The following GSDME variants were observed in gnomAD, a reference collection of about 807,000 sequenced individuals.
GSDME encodes the protein gasdermin E.
GSDME carries 44 observed loss-of-function variants against 47.5 expected under a neutral mutation model. That is an observed-to-expected ratio of 0.93 (90% CI 0.73 to 1.19). The LOEUF (loss-of-function observed/expected upper bound fraction) is 1.19. GSDME is among the 50% of genes most tolerant of loss of function. The pLI is 0.00. For synonymous variants in GSDME, 258 were observed against 252.8 expected, an observed-to-expected ratio of 1.02 and a Z score of -0.20; for missense variants, 663 against 604.2, an observed-to-expected ratio of 1.10 and a Z score of -1.02.
chr7:24,710,841 AAT>A (rs1201543068), intron 5 of GSDME, among the ~76,000 whole-genome samples: 1 of 152,210 alleles, frequency 6.6e-6, no homozygotes, highest in African/African-American at 2.4e-5. Flanking sequence ...ATGTTTCTAT[AAT>A]ATATAGAATA....
In GSDME at chr7:24,744,227, G is replaced by A. The variant is rs919306437; in HGVS notation, c.404+335C>T. 11 of 282,166 alleles carry A rather than the reference G, an allele frequency of 3.9e-5. No individual in the cohort carries two copies. The highest frequency in any genetic ancestry group is 7.4e-5 in the Non-Finnish European group (11 of 147,878). 17.5% of individuals were successfully genotyped at this position (282,166 alleles called of 1,614,324 possible). Reference sequence around the variant, plus strand: ...AATTATAGAGCCAGAGGGGGGTCATGACTTCCTGGCTTCTAAAGTTAATAT... The same window carrying A: ...AATTATAGAGCCAGAGGGGGGTCATAACTTCCTGGCTTCTAAAGTTAATAT... On this transcript the variant is annotated intron_variant, in intron 3 of 9. Coordinates refer to ENST00000645220, the MANE Select transcript of GSDME (RefSeq NM_001127453.2). This position sits in a 1 kb window ranked among gnomAD's most constrained non-coding sequence, Gnocchi z 4.5.
chr7:24,710,233 A>T lies in GSDME; in HGVS notation c.853T>A (p.Leu285Ile), dbSNP rs1358680470. Residue 285 changes from leucine to isoleucine, a missense_variant, in exon 6 of 10, where the codon TTA (leucine) becomes ATA (isoleucine). Physicochemically the swap from Leu to Ile is conservative, Grantham distance 5. Coordinates refer to ENST00000645220, the MANE Select transcript of GSDME (RefSeq NM_001127453.2). ...ISSQDGPLSV[L>I]KQATLLLERN... ...GCCCTGCTGGCAATACCTTGCTTTA[A>T]AACACTTAATGGTCCATCCTGGGAA... The T allele has an allele frequency of 6.2e-7, 1 of 1,613,922 alleles. No homozygotes were observed.
chr7:24,752,992 G>GTT lies in GSDME; in HGVS notation c.-19-3201_-19-3200dup, dbSNP rs199851230. Among the ~76,000 whole-genome samples, 547 of 147,858 alleles carry GTT rather than the reference G, an allele frequency of 3.7e-3. 1 individual carries two copies. The highest frequency in any genetic ancestry group is 7.1e-3 in the Middle Eastern group (2 of 280). The stretch of plus-strand genomic sequence containing the variant: ...GGAAATTCCTAAATTAATTTTTCAT[G>GTT]TTTTTTTTTTTTCCATCTAACATCA... On this transcript the variant is annotated intron_variant, in intron 1 of 9. Coordinates refer to ENST00000645220, the MANE Select transcript of GSDME (RefSeq NM_001127453.2).
chr7:24,713,060 G>A (rs1217505056), intron 5 of GSDME, among the ~76,000 whole-genome samples: 1 of 151,212 alleles, frequency 6.6e-6, no homozygotes, highest in Admixed American at 6.6e-5. Flanking sequence ...TTACCGAATA[G>A]CAGTTTTACA....
chr7:24,744,984 CGTGTGTGTGTGTGTGTGTGT>C lies in GSDME; in HGVS notation c.212-250_212-231del, dbSNP rs3038357. On this transcript the variant is annotated intron_variant, in intron 2 of 9. Coordinates refer to ENST00000645220, the MANE Select transcript of GSDME (RefSeq NM_001127453.2). This position sits in a 1 kb window ranked among gnomAD's most constrained non-coding sequence, Gnocchi z 4.5. ...GGGCACACAGTGGACCAGTGCAGCA[CGTGTGTGTGTGTGTGTGTGT>C]GTGTGTGTGTGTGTGTGTGTGTGTG... Among the ~76,000 whole-genome samples the C allele has an allele frequency of 1.1e-3, 134 of 119,070 alleles. No homozygotes were observed. The highest frequency in any genetic ancestry group is 0.011 in the South Asian group (34 of 3,058). The allele number at this position is 119,070 out of a possible 152,430, so 78.1% of individuals were successfully genotyped here. A position where few individuals can be genotyped will look rare whatever the true frequency, so the allele number is the denominator to read the frequency against.
At chr7:24,759,215 G>T (rs1329778056), upstream of GSDME, among the ~76,000 whole-genome samples, 4 of 152,150 alleles carry the variant, frequency 2.6e-5, no homozygotes, top group African/African-American at 9.7e-5. Flanking sequence ...CTGGCTTGTT[G>T]CCAGAGATTA....
chr7:24,710,509 A>G, intron 5 of GSDME, 121 bp from the exon 6 acceptor site: 1 of 926,800 alleles, frequency 1.1e-6, no homozygotes, highest in Non-Finnish European at 1.7e-6. Context: ...GGAGCAGAAG[A>G]CCCATCCATC....
At chr7:24,760,365 G>A (rs188423957), upstream of GSDME, among the ~76,000 whole-genome samples, 27 of 152,318 alleles carry the variant, frequency 1.8e-4, no homozygotes, top group African/African-American at 5.8e-4. The surrounding 1 kb of genome is among the most constrained non-coding windows in gnomAD (Gnocchi z 4.2). Context: ...AGACCTGGAC[G>A]CTTTCAGATT....
the GSDME span, among the ~76,000 whole-genome samples, chr7:24,764,726 T>C: frequency 6.6e-6 from 1 of 152,232 alleles, no homozygotes; most frequent in South Asian, 2.1e-4. The surrounding 1 kb of genome is among the most constrained non-coding windows in gnomAD (Gnocchi z 4.4). Context: ...CTGTCACCAC[T>C]ATTCCAAACC....
intron 5 of GSDME, 110 bp downstream of exon 5, chr7:24,717,144 C>T: frequency 7.9e-7 from 1 of 1,273,380 alleles, no homozygotes; most frequent in South Asian, 1.2e-5. Context: ...CTCTTTCCCT[C>T]TCTTCCCACA....
chr7:24,770,781 T>C, the GSDME span, among the ~76,000 whole-genome samples: 5 of 151,702 alleles, frequency 3.3e-5, no homozygotes, highest in South Asian at 1.0e-3. This position sits in a 1 kb window ranked among gnomAD's most constrained non-coding sequence, Gnocchi z 4.6. Flanking sequence ...GGCTCATTCG[T>C]AGACTGGACA....
At chr7:24,749,441 G>A in intron 2 of GSDME, 123 bp downstream of exon 2, 1 of 828,684 alleles carries the variant, frequency 1.2e-6, no homozygotes, top group Non-Finnish European at 2.0e-6. Context: ...GGCAGAGGTT[G>A]CAATGGGCCA....
At chr7:24,710,826 A>C (rs1789322843) in intron 5 of GSDME, among the ~76,000 whole-genome samples, 1 of 152,242 alleles carries the variant, frequency 6.6e-6, no homozygotes, top group South Asian at 2.1e-4. Context: ...ATTTTTAAGA[A>C]ATCAATGTTT....
chr7:24,713,028 A>C (rs1395620070), intron 5 of GSDME, among the ~76,000 whole-genome samples: 1 of 152,066 alleles, frequency 6.6e-6, no homozygotes, highest in Non-Finnish European at 1.5e-5. Context: ...CAAAAAAAAA[A>C]AAAAGGGAAA....
chr7:24,791,648 C>A, the GSDME span, among the ~76,000 whole-genome samples: 4 of 152,158 alleles, frequency 2.6e-5, no homozygotes. This position sits in a 1 kb window ranked among gnomAD's most constrained non-coding sequence, Gnocchi z 4.8. Flanking sequence ...CTATCACCTG[C>A]CCTCATTCTG....
the GSDME span, among the ~76,000 whole-genome samples, chr7:24,768,377 G>A: frequency 5.3e-5 from 8 of 152,156 alleles, no homozygotes; most frequent in South Asian, 2.1e-4. The surrounding 1 kb of genome is among the most constrained non-coding windows in gnomAD (Gnocchi z 5.6). Flanking sequence ...AAGGTGTAGC[G>A]GAGGGAAGGG....
rs1456677678 is a variant in GSDME, at chr7:24,714,933, A to C, written c.697+2321T>G. ...GCGTTACAGAAGTGACGCATCCTTC[A>C]CTACAGCCAAGATACGGAAATAATG... On this transcript the variant is annotated intron_variant, in intron 5 of 9. Coordinates refer to ENST00000645220, the MANE Select transcript of GSDME (RefSeq NM_001127453.2). The surrounding 1 kb of genome is among the most constrained non-coding windows in gnomAD (Gnocchi z 5.0). Among the ~76,000 whole-genome samples, 1 of 152,260 alleles carries C rather than the reference A, an allele frequency of 6.6e-6. No individual in the cohort carries two copies. The highest frequency in any genetic ancestry group is 6.5e-5 in the Admixed American group (1 of 15,292).
At chr7:24,703,408 G>C in intron 8 of GSDME, 1 of 176,952 alleles carries the variant, frequency 5.7e-6, no homozygotes, top group South Asian at 1.3e-4. Context: ...GCTGTGCCAG[G>C]CTAGGGGCTG....
intron 4 of GSDME, among the ~76,000 whole-genome samples, chr7:24,718,825 ATC>A (rs907687825): frequency 2.1e-5 from 3 of 143,122 alleles, no homozygotes; most frequent in Non-Finnish European, 4.6e-5. Flanking sequence ...CTCCCTATAT[ATC>A]CTCAAGGCCT....
Sources: gnomAD v4.1 joint callset for allele counts (sites outside exome capture counted in the v4.1 genomes callset) on GRCh38, gnomAD v4.1.1 for gene constraint, Gnocchi (gnomAD v3.1) non-coding constraint, MANE v1.5 for transcripts, NCBI Gene and HGNC (gene_info 2026-07-23, HGNC 2026-07-21) for gene names.